TEX261: variants seen among roughly 807,000 people sequenced by gnomAD.
TEX261 encodes the protein testis expressed 261.
In TEX261, 13 loss-of-function variants were observed where a neutral mutation model predicts 25.1. The observed-to-expected ratio is 0.52, with a 90% confidence interval of 0.34 to 0.82. The LOEUF is 0.82. TEX261 is among the 40% of genes least tolerant of loss of function. The probability of loss-of-function intolerance (pLI) is 0.02; values close to 1 mark genes in which losing one functional copy is unlikely to be tolerated. For missense variants in TEX261, 206 were observed against 243.2 expected, an observed-to-expected ratio of 0.85 and a Z score of 1.02; for synonymous variants, 92 against 97.8, an observed-to-expected ratio of 0.94 and a Z score of 0.35.
At chr2:70,989,228 A>AATG in intron 4 of TEX261, 1 of 596,638 alleles carries the variant, frequency 1.7e-6, no homozygotes, top group South Asian at 2.0e-5. Flanking sequence ...GTGGCCACAA[A>AATG]CCCCATATCT....
Position 70,988,386 on chromosome 2 carries a change from C to T in TEX261, c.*214G>A, listed in dbSNP as rs1670230519. 5.5e-6 allele frequency: 3 copies of T among 547,438 alleles called. No homozygotes were observed. In the South Asian group the frequency reaches 6.3e-5, roughly 11 times the overall value. The allele number at this position is 547,438 out of a possible 1,614,324, so 33.9% of individuals were successfully genotyped here. ...TCCTGGCTAAGCAGGCTCTGCCACC[C>T]TCCTTGGTGCCCTCTGAGGTTACAG... On this transcript the variant is annotated 3_prime_UTR_variant, in exon 6 of 6. Transcript: ENST00000272438.
rs1162299079 is a variant in TEX261 at position 70,988,384 on chromosome 2, C to T, written c.*216G>A. On this transcript the variant is annotated 3_prime_UTR_variant, in exon 6 of 6. Coordinates refer to ENST00000272438, the MANE Select transcript of TEX261 (RefSeq NM_144582.3). ...CCTCCTGGCTAAGCAGGCTCTGCCA[C>T]CCTCCTTGGTGCCCTCTGAGGTTAC... The T allele has an allele frequency of 2.0e-5, 11 of 544,122 alleles. No homozygotes were observed. Among genetic ancestry groups the T allele is most frequent in the African/African-American group, 3.8e-5 (2 of 52,484 alleles). The allele number at this position is 544,122 out of a possible 1,614,324, so 33.7% of individuals were successfully genotyped here.
rs1670232270 is a variant in TEX261, at chr2:70,988,442, G to A, written c.*158C>T. ...TGAAGCATCAGATCTGAGCCAAGCT[G>A]AGCCCCCCAAGGAGGGTGGGGATGG... is the stretch of plus-strand genomic sequence containing the variant. On this transcript the variant is annotated 3_prime_UTR_variant, in exon 6 of 6. Transcript: ENST00000272438. 12 of 621,984 alleles carry A rather than the reference G, an allele frequency of 1.9e-5. No homozygotes were observed. In the South Asian group the frequency reaches 2.1e-4, roughly 11 times the overall value. The allele number at this position is 621,984 out of a possible 1,614,324, so 38.5% of individuals were successfully genotyped here.
rs1451962367 is a variant in TEX261 at position 70,989,040 on chromosome 2, A to G, written c.373-23T>C. 3.1e-6 allele frequency: 5 copies of G among 1,604,758 alleles called. No homozygotes were observed. The Admixed American group carries it at 5.1e-5, about 16-fold the overall frequency. On this transcript the variant is annotated intron_variant, in intron 4 of 5. Transcript: ENST00000272438. Reference sequence around the variant, plus strand: ...GACCTGGCAACAAGAGAGACTGAGAAGAGGGTGCCCCGGAGGTGCCAAGAG... The same window carrying G: ...GACCTGGCAACAAGAGAGACTGAGAGGAGGGTGCCCCGGAGGTGCCAAGAG...
chr2:70,993,473 A>G (rs1670343661), intron 2 of TEX261, among the ~76,000 whole-genome samples: 1 of 152,214 alleles, frequency 6.6e-6, no homozygotes, highest in Admixed American at 6.5e-5. Context: ...ACTAGAGCAC[A>G]AGGCCTGCAG....
chr2:70,989,647 G>A, intron 4 of TEX261, 102 bp downstream of exon 4: 1 of 846,248 alleles, frequency 1.2e-6, no homozygotes, highest in South Asian at 1.5e-5. Flanking sequence ...TCCTTGAACA[G>A]ATTCAGTTTC....
At chr2:70,992,728 T>C in intron 2 of TEX261, among the ~76,000 whole-genome samples, 1 of 136,466 alleles carries the variant, frequency 7.3e-6, no homozygotes, top group African/African-American at 3.2e-5. Context: ...AAACTCCATC[T>C]CAAAAAAAAA....
At chr2:70,989,186 TG>T in intron 4 of TEX261, 169 bp from the exon 5 acceptor site, 1 of 638,918 alleles carries the variant, frequency 1.6e-6, no homozygotes, top group Non-Finnish European at 2.8e-6. Flanking sequence ...AATCCTTCTG[TG>T]GGGAAAGGTG....
Position 70,989,028 on chromosome 2 carries a change from G to T in TEX261, c.373-11C>A, listed in dbSNP as rs147086035. 3 of 1,609,904 alleles carry T rather than the reference G, an allele frequency of 1.9e-6. No individual in the cohort carries two copies. In the African/African-American group the frequency reaches 4.0e-5, roughly 21 times the overall value. On this transcript the variant is annotated splice_polypyrimidine_tract_variant and intron_variant, in intron 4 of 5. Coordinates refer to ENST00000272438, the MANE Select transcript of TEX261 (RefSeq NM_144582.3). ...GAAATAGGCCAGGACCTGGCAACAA[G>T]AGAGACTGAGAAGAGGGTGCCCCGG...
At chr2:70,993,091 T>C (rs1230121862) in intron 2 of TEX261, among the ~76,000 whole-genome samples, 5 of 152,196 alleles carry the variant, frequency 3.3e-5, no homozygotes, top group East Asian at 1.9e-4. Flanking sequence ...ACCAGGCGAC[T>C]TGAGGGGCTG....
intron 1 of TEX261, 71 bp downstream of exon 1, chr2:70,994,617 C>A: frequency 1.3e-6 from 2 of 1,546,698 alleles, no homozygotes; most frequent in South Asian, 2.4e-5. Flanking sequence ...CCGAAACCCC[C>A]GCGATGCGAC....
At chr2:70,988,858 C>T (rs1670246301) in intron 5 of TEX261, 57 bp downstream of exon 5, 1 of 1,584,744 alleles carries the variant, frequency 6.3e-7, no homozygotes, top group South Asian at 1.1e-5. Context: ...TGGACCCCTG[C>T]CAACCCAGGC....
chr2:70,990,645 C>G (rs1670284506), intron 3 of TEX261, among the ~76,000 whole-genome samples: 1 of 152,206 alleles, frequency 6.6e-6, no homozygotes. Context: ...CCTTTCTTCT[C>G]TCCTGCCTCT....
chr2:70,993,630 C>T, intron 2 of TEX261, 66 bp downstream of exon 2: 1 of 1,334,872 alleles, frequency 7.5e-7, no homozygotes, highest in Non-Finnish European at 1.1e-6. Context: ...CCAAACTCTC[C>T]CCACTTCCTG....
rs1670315938 is a variant in TEX261 at position 70,992,216 on chromosome 2, T to C, written c.151-233A>G. On this transcript the variant is annotated intron_variant, in intron 2 of 5. Coordinates refer to ENST00000272438, the MANE Select transcript of TEX261 (RefSeq NM_144582.3). ...GCTGGAGTGCAGTGGCGCGATCTCC[T>C]GGATTCAAGCAATTCTCTTGCCTCA... 3.3e-5 allele frequency among the ~76,000 whole-genome samples: 5 copies of C among 150,978 alleles called. No individual in the cohort carries two copies. The South Asian group carries it at 1.0e-3, about 31-fold the overall frequency.
intron 3 of TEX261, 76 bp downstream of exon 3, chr2:70,991,754 A>G: frequency 2.0e-6 from 3 of 1,531,762 alleles, no homozygotes; most frequent in African/African-American, 1.4e-5. Context: ...CTTTTTCTGT[A>G]TCCCCTTTAG....
chr2:70,993,634 C>T, intron 2 of TEX261, 62 bp downstream of exon 2: 1 of 1,384,396 alleles, frequency 7.2e-7, no homozygotes, highest in East Asian at 2.3e-5. Flanking sequence ...ACTCTCCCCA[C>T]TTCCTGCTTT....
chr2:70,987,405 CAT>C lies in TEX261; in HGVS notation c.*1193_*1194del, dbSNP rs1220352134. ...TTTTTCCAGTGGCTTAAATGTATCA[CAT>C]GTGTACAGTTCATCTCTGTACCTGC... On this transcript the variant is annotated 3_prime_UTR_variant, in exon 6 of 6. Transcript: ENST00000272438. The C allele has an allele frequency of 5.2e-5, 8 of 152,750 alleles. No individual in the cohort carries two copies. In the East Asian group the frequency reaches 9.6e-4, roughly 18 times the overall value. 9.5% of individuals were successfully genotyped at this position (152,750 alleles called of 1,614,324 possible). A position where few individuals can be genotyped will look rare whatever the true frequency, so the allele number is the denominator to read the frequency against.
rs1317133838 is a variant in TEX261 at position 70,987,905 on chromosome 2, G to C, written c.*695C>G. 1 of 152,620 alleles carries C rather than the reference G, an allele frequency of 6.6e-6. No individual in the cohort carries two copies. The highest frequency in any genetic ancestry group is 2.4e-5 in the African/African-American group (1 of 41,432). The allele number at this position is 152,620 out of a possible 1,614,324, so 9.5% of individuals were successfully genotyped here. A position where few individuals can be genotyped will look rare whatever the true frequency, so the allele number is the denominator to read the frequency against. On this transcript the variant is annotated 3_prime_UTR_variant, in exon 6 of 6. Coordinates refer to ENST00000272438, the MANE Select transcript of TEX261 (RefSeq NM_144582.3). ...AAGAGATGGAAGAGAGTGCATCAGAGAGGCTGCCTATAGCCCCACTTCCCA... is the reference window on the plus strand; with the variant it reads ...AAGAGATGGAAGAGAGTGCATCAGACAGGCTGCCTATAGCCCCACTTCCCA...
Sources: allele counts gnomAD v4.1 joint callset (sites outside exome capture counted in the v4.1 genomes callset), GRCh38; gene constraint gnomAD v4.1.1; transcripts MANE v1.5; gene names NCBI Gene and HGNC (gene_info 2026-07-23, HGNC 2026-07-21).